The following MGAT5 variants were observed in gnomAD, a reference collection of about 807,000 sequenced individuals.
MGAT5 encodes alpha-1,6-mannosylglycoprotein 6-beta-N-acetylglucosaminyltransferase A.
In MGAT5, 30 loss-of-function variants were observed where a neutral mutation model predicts 94.3. The observed-to-expected ratio is 0.32, with a 90% CI of 0.24 to 0.43. The LOEUF (loss-of-function observed/expected upper bound fraction) is 0.43, where lower values mean the gene tolerates loss of function less well. Among genes scored for constraint, MGAT5 ranks in the 20% least tolerant of loss-of-function variants. MGAT5 has a pLI of 1.00. For missense variants in MGAT5, 691 were observed against 905.5 expected, an observed-to-expected ratio of 0.76 and a Z score of 3.04; for synonymous variants, 310 against 322.9, an observed-to-expected ratio of 0.96 and a Z score of 0.43.
At chr2:134,156,552 GT>G (rs1378761198) in intron 1 of MGAT5, among the ~76,000 whole-genome samples, 2 of 152,178 alleles carry the variant, frequency 1.3e-5, no homozygotes, top group African/African-American at 4.8e-5. Flanking sequence ...AAGGATCCCA[GT>G]GGTTTGGTTG....
At chr2:134,137,495 G>A (rs866671206) in intron 1 of MGAT5, among the ~76,000 whole-genome samples, 5 of 152,260 alleles carry the variant, frequency 3.3e-5, no homozygotes, top group Non-Finnish European at 4.4e-5. Flanking sequence ...ACTGCACCTC[G>A]TCAGGCTGCA....
intron 2 of MGAT5, among the ~76,000 whole-genome samples, chr2:134,272,499 G>C (rs1684094407): frequency 1.3e-5 from 2 of 152,014 alleles, no homozygotes; most frequent in South Asian, 4.1e-4. Flanking sequence ...ATTTTTACTG[G>C]CTAATTAGGA....
At chr2:134,352,249 C>T (rs1679432922) in intron 9 of MGAT5, among the ~76,000 whole-genome samples, 1 of 152,140 alleles carries the variant, frequency 6.6e-6, no homozygotes, top group Non-Finnish European at 1.5e-5. Flanking sequence ...GGCATGTGCT[C>T]AAGGGCATTT....
chr2:134,120,890 G>A (rs1165670841), intron 1 of MGAT5, among the ~76,000 whole-genome samples: 5 of 151,934 alleles, frequency 3.3e-5, no homozygotes. Flanking sequence ...GGGGCGCCCC[G>A]GCTGTTAGGG....
chr2:134,186,380 C>T (rs1490611278), intron 1 of MGAT5, among the ~76,000 whole-genome samples: 3 of 136,010 alleles, frequency 2.2e-5, no homozygotes, highest in African/African-American at 7.9e-5. Flanking sequence ...GGAGTCGTTT[C>T]TTTTTTTTTT....
At chr2:134,285,834 C>T (rs1009181300) in intron 2 of MGAT5, among the ~76,000 whole-genome samples, 1 of 152,152 alleles carries the variant, frequency 6.6e-6, no homozygotes, top group African/African-American at 2.4e-5. Context: ...GCAACCCCTC[C>T]GCTACATGGC....
At chr2:134,279,958 A>G (rs1211150428) in intron 2 of MGAT5, among the ~76,000 whole-genome samples, 1 of 152,174 alleles carries the variant, frequency 6.6e-6, no homozygotes, top group East Asian at 1.9e-4. Flanking sequence ...AATACTTGGA[A>G]TAAAGCTGAT....
chr2:134,382,729 T>C (rs1254071462), intron 10 of MGAT5, among the ~76,000 whole-genome samples: 2 of 152,202 alleles, frequency 1.3e-5, no homozygotes, highest in Non-Finnish European at 2.9e-5. Flanking sequence ...GTTGCCTACT[T>C]CTACCATTTC....
At chr2:134,326,539 A>G (rs961579730) in intron 4 of MGAT5, among the ~76,000 whole-genome samples, 5 of 152,048 alleles carry the variant, frequency 3.3e-5, no homozygotes, top group African/African-American at 7.2e-5. Flanking sequence ...CCCGGCCTGC[A>G]TACCACCCCA....
intron 1 of MGAT5, among the ~76,000 whole-genome samples, chr2:134,167,497 G>A (rs1007780964): frequency 2.6e-5 from 4 of 152,130 alleles, no homozygotes; most frequent in African/African-American, 9.7e-5. Flanking sequence ...CCTGTGGCAG[G>A]GTCTTAGATT....
At chr2:134,248,400 A>G (rs1411841239) in intron 1 of MGAT5, among the ~76,000 whole-genome samples, 1 of 152,214 alleles carries the variant, frequency 6.6e-6, no homozygotes, top group African/African-American at 2.4e-5. Flanking sequence ...AACTGCTATG[A>G]GTTACGAGTA....
rs575595711 is a variant in MGAT5 at position 134,173,683 on chromosome 2, C to T, written c.-143+53392C>T. On this transcript the variant is annotated intron_variant, in intron 1 of 16. Coordinates refer to the MGAT5 transcript ENST00000409645. ...TCTTGGCGCTCTCAGGAATAACTAC[C>T]GAAAGAGCAGCTGTCTGTCAGCCTC... Among the ~76,000 whole-genome samples, 24 of 152,284 alleles carry T rather than the reference C, an allele frequency of 1.6e-4. 1 individual carries two copies. The highest frequency in any genetic ancestry group is 6.5e-4 in the Admixed American group (10 of 15,306).
chr2:134,448,556 C>G, intron 15 of MGAT5, 93 bp from the exon 16 acceptor site: 1 of 1,152,632 alleles, frequency 8.7e-7, no homozygotes, highest in East Asian at 2.3e-5. Context: ...TGAACATCCC[C>G]CCATGCCTCA....
At chr2:134,302,055 A>G (rs970663549) in intron 2 of MGAT5, among the ~76,000 whole-genome samples, 3 of 152,180 alleles carry the variant, frequency 2.0e-5, no homozygotes, top group Non-Finnish European at 4.4e-5. Context: ...TCAGCCAAGT[A>G]TTAAATATTT....
chr2:134,263,129 A>ACCTTCTTGGAG (rs1558742278), intron 1 of MGAT5, among the ~76,000 whole-genome samples: 1 of 152,036 alleles, frequency 6.6e-6, no homozygotes, highest in Non-Finnish European at 1.5e-5. Context: ...GGGCCCTGGC[A>ACCTTCTTGGAG]TCAGGTGGGG....
At chr2:134,379,736 G>A (rs562607036) in intron 10 of MGAT5, among the ~76,000 whole-genome samples, 1 of 152,336 alleles carries the variant, frequency 6.6e-6, no homozygotes, top group Admixed American at 6.5e-5. Flanking sequence ...CATATTTCAA[G>A]AGAATAAAAT....
chr2:134,317,084 T>C (rs1473975832), intron 2 of MGAT5, among the ~76,000 whole-genome samples: 2 of 152,150 alleles, frequency 1.3e-5, no homozygotes, highest in African/African-American at 2.4e-5. Flanking sequence ...CTCTGGCCTG[T>C]TGGCTTTCTC....
intron 2 of MGAT5, among the ~76,000 whole-genome samples, chr2:134,272,875 T>C (rs1315190033): frequency 6.6e-6 from 1 of 152,234 alleles, no homozygotes; most frequent in Non-Finnish European, 1.5e-5. Context: ...AAAAAGATGC[T>C]ACCATTTTCT....
chr2:134,124,040 C>T (rs1558944324), intron 1 of MGAT5, among the ~76,000 whole-genome samples: 1 of 152,218 alleles, frequency 6.6e-6, no homozygotes, highest in African/African-American at 2.4e-5. Flanking sequence ...ATGTCAACAT[C>T]CACATTTGTG....
Sources: allele counts gnomAD v4.1 joint callset (sites outside exome capture counted in the v4.1 genomes callset), GRCh38; gene constraint gnomAD v4.1.1; transcripts MANE v1.5; gene names NCBI Gene and HGNC (gene_info 2026-07-23, HGNC 2026-07-21).